Variants in STK32B observed in about 807,000 individuals in gnomAD.
The protein encoded by STK32B is serine/threonine kinase 32B.
In STK32B, 43 loss-of-function variants were observed where a neutral mutation model predicts 52.6. That is an observed-to-expected ratio of 0.82 (90% CI 0.64 to 1.05). The LOEUF (loss-of-function observed/expected upper bound fraction) is 1.05. Among genes scored for constraint, STK32B ranks in the 50% least tolerant of loss-of-function variants. The probability of loss-of-function intolerance (pLI) is 0.00; values close to 1 mark genes in which losing one functional copy is unlikely to be tolerated. For synonymous variants in STK32B, 238 were observed against 204.3 expected, an observed-to-expected ratio of 1.17 and a Z score of -1.41; for missense variants, 621 against 534.6, an observed-to-expected ratio of 1.16 and a Z score of -1.59.
At chr4:5,425,456 C>CCATTCATT (rs35251788) in intron 6 of STK32B, among the ~76,000 whole-genome samples, 1 of 151,578 alleles carries the variant, frequency 6.6e-6, no homozygotes, top group Non-Finnish European at 1.5e-5. Context: ...TTCCTGAGAA[C>CCATTCATT]CATTCATTCA....
At chr4:5,186,042 A>G (rs1301597939) in intron 3 of STK32B, among the ~76,000 whole-genome samples, 3 of 152,154 alleles carry the variant, frequency 2.0e-5, no homozygotes, top group South Asian at 4.1e-4. Flanking sequence ...ACTCCTGCTC[A>G]TCCTCCACAG....
chr4:5,258,468 G>C lies in STK32B; in HGVS notation c.261-72752G>C, dbSNP rs372044000. Among the ~76,000 whole-genome samples the C allele has an allele frequency of 7.9e-5, 12 of 152,280 alleles. No homozygotes were observed. The South Asian group carries it at 2.5e-3, about 32-fold the overall frequency. On this transcript the variant is annotated intron_variant, in intron 3 of 11. Transcript: ENST00000282908. ...TCCACAGCCTCTCAGGGCTCACAGA[G>C]CCTGTGCCCTGCCTCCCTGTTGCAA... is the stretch of plus-strand genomic sequence containing the variant.
At chr4:5,308,678 C>A (rs1017091912) in intron 3 of STK32B, among the ~76,000 whole-genome samples, 2 of 152,204 alleles carry the variant, frequency 1.3e-5, no homozygotes, top group Middle Eastern at 3.4e-3. Flanking sequence ...GTATCCAGAG[C>A]ACCTAAACCA....
chr4:5,383,897 A>G (rs1393590594), intron 4 of STK32B, among the ~76,000 whole-genome samples: 1 of 152,164 alleles, frequency 6.6e-6, no homozygotes, highest in Non-Finnish European at 1.5e-5. Flanking sequence ...TTTATATCCT[A>G]ATGGGGAGAG....
intron 1 of STK32B, among the ~76,000 whole-genome samples, chr4:5,095,294 C>T (rs991801475): frequency 1.3e-5 from 2 of 152,114 alleles, no homozygotes; most frequent in East Asian, 1.9e-4. Context: ...TGGTTTTAAG[C>T]GTATTAATAT....
chr4:5,349,531 A>G (rs540230059), intron 4 of STK32B, among the ~76,000 whole-genome samples: 13 of 152,298 alleles, frequency 8.5e-5, no homozygotes, highest in Admixed American at 2.6e-4. Flanking sequence ...AAAAGTGACT[A>G]TTATGCCAGA....
At chr4:5,151,628 A>G (rs1717373124) in intron 2 of STK32B, among the ~76,000 whole-genome samples, 1 of 152,210 alleles carries the variant, frequency 6.6e-6, no homozygotes, top group African/African-American at 2.4e-5. Flanking sequence ...TAAAATAACC[A>G]TTTTATGACT....
rs1396540104 is a variant in STK32B at position 5,500,373 on chromosome 4, CTT to C, written c.*1295_*1296del. On this transcript the variant is annotated 3_prime_UTR_variant, in exon 12 of 12. Coordinates refer to ENST00000282908, the MANE Select transcript of STK32B (RefSeq NM_018401.3). ...AGCATTGGATGACTCATAGAATGGC[CTT>C]TTTTGTCAGCATAATCGTCATCATT... 6.6e-6 allele frequency: 1 copy of C among 152,150 alleles called. No individual in the cohort carries two copies. Among genetic ancestry groups the C allele is most frequent in the Non-Finnish European group, 1.5e-5 (1 of 68,026 alleles). The allele number at this position is 152,150 out of a possible 1,614,324, so 9.4% of individuals were successfully genotyped here.
At position 5,399,843 on chromosome 4, in the gene STK32B, C is replaced by T. The variant is rs1336862317; in HGVS notation, c.472+1599C>T. 6.6e-6 allele frequency among the ~76,000 whole-genome samples: 1 copy of T among 152,200 alleles called. No individual in the cohort carries two copies. Among genetic ancestry groups the T allele is most frequent in the African/African-American group, 2.4e-5 (1 of 41,452 alleles). Reference sequence around the variant, plus strand: ...CTCGGGAAGGGGTAGATAACTCGCCCTCTTCCTGTCCCCTTTCTCTGCTCA... The same window carrying T: ...CTCGGGAAGGGGTAGATAACTCGCCTTCTTCCTGTCCCCTTTCTCTGCTCA... On this transcript the variant is annotated intron_variant, in intron 5 of 11. Coordinates refer to ENST00000282908, the MANE Select transcript of STK32B (RefSeq NM_018401.3). This position sits in a 1 kb window ranked among gnomAD's most constrained non-coding sequence, Gnocchi z 5.4.
intron 1 of STK32B, among the ~76,000 whole-genome samples, chr4:5,095,549 AG>A (rs1160428803): frequency 1.3e-5 from 2 of 152,216 alleles, no homozygotes; most frequent in African/African-American, 4.8e-5. Context: ...TGGAAGGTAG[AG>A]GTTGCAGTGA....
At chr4:5,457,028 T>C in intron 8 of STK32B, 105 bp downstream of exon 8, 1 of 798,930 alleles carries the variant, frequency 1.3e-6, no homozygotes, top group African/African-American at 1.7e-5. Context: ...ATACTCGGGG[T>C]AGAGATGATC....
rs375660139 is a variant in STK32B, at chr4:5,159,686, AAT to A, written c.109-8606_109-8605del. ...ATGAATGTATATGAATATATATATG[AAT>A]ATATATGAATATATATGAATATATA... On this transcript the variant is annotated intron_variant, in intron 2 of 11. Coordinates refer to ENST00000282908, the MANE Select transcript of STK32B (RefSeq NM_018401.3). Among the ~76,000 whole-genome samples the A allele has an allele frequency of 3.0e-4, 18 of 59,152 alleles. 2 individuals carry two copies. The highest frequency in any genetic ancestry group is 1.0e-3 in the African/African-American group (16 of 15,450). 38.8% of individuals were successfully genotyped at this position (59,152 alleles called of 152,430 possible).
At chr4:5,415,740 G>T (rs1712109408) in intron 5 of STK32B, among the ~76,000 whole-genome samples, 1 of 152,140 alleles carries the variant, frequency 6.6e-6, no homozygotes, top group Non-Finnish European at 1.5e-5. Context: ...GTCAGTGCTG[G>T]CAGTTGAGTC....
intron 1 of STK32B, among the ~76,000 whole-genome samples, chr4:5,054,935 G>C (rs1328410849): frequency 1.1e-4 from 16 of 152,156 alleles, no homozygotes. Flanking sequence ...GCAGAGAAAG[G>C]ATCATGCCAC....
In STK32B at chr4:5,100,715, T is replaced by C. The variant is rs368032312; in HGVS notation, c.53-39190T>C. ...TTTCTTTCCTTCCTTCCTTTCTTCCTTCCCTCCTTCCCTTCTTCCTTCTCT... is the reference window on the plus strand; with the variant it reads ...TTTCTTTCCTTCCTTCCTTTCTTCCCTCCCTCCTTCCCTTCTTCCTTCTCT... On this transcript the variant is annotated intron_variant, in intron 1 of 11. Transcript: ENST00000282908. Among the ~76,000 whole-genome samples the C allele has an allele frequency of 1.3e-3, 55 of 42,014 alleles. 2 individuals carry two copies. The highest frequency in any genetic ancestry group is 4.8e-3 in the East Asian group (1 of 208). The allele number at this position is 42,014 out of a possible 152,430, so 27.6% of individuals were successfully genotyped here. A position where few individuals can be genotyped will look rare whatever the true frequency, so the allele number is the denominator to read the frequency against.
chr4:5,397,832 C>G (rs1010047345), intron 4 of STK32B, among the ~76,000 whole-genome samples: 6 of 152,242 alleles, frequency 3.9e-5, no homozygotes, highest in Non-Finnish European at 8.8e-5. Flanking sequence ...GCCATGACAC[C>G]TGCAGGGAAC....
chr4:5,318,929 A>T (rs1731299910), intron 3 of STK32B, among the ~76,000 whole-genome samples: 3 of 151,718 alleles, frequency 2.0e-5, no homozygotes, highest in African/African-American at 4.8e-5. Flanking sequence ...CCTCCTCAGT[A>T]TCTGGGACTA....
chr4:5,034,205 AT>A, the STK32B span, among the ~76,000 whole-genome samples: 1 of 152,154 alleles, frequency 6.6e-6, no homozygotes, highest in Admixed American at 6.5e-5. Context: ...TTCAGCAGAG[AT>A]TTATTAAGCA....
In STK32B at chr4:5,460,319, C is replaced by T; in HGVS notation, c.909+91C>T. 1.3e-6 allele frequency: 2 copies of T among 1,512,400 alleles called. No individual in the cohort carries two copies. The highest frequency in any genetic ancestry group is 2.3e-5 in the East Asian group (1 of 43,650). 93.7% of individuals were successfully genotyped at this position (1,512,400 alleles called of 1,614,324 possible). Reference sequence around the variant, plus strand: ...AGACTTTGGCAGCTGGCTAGTGAGCCCTCTGCTGGCCACTTCCACCTGAGC... The same window carrying T: ...AGACTTTGGCAGCTGGCTAGTGAGCTCTCTGCTGGCCACTTCCACCTGAGC... On this transcript the variant is annotated intron_variant, in intron 9 of 11. Transcript: ENST00000282908. This position sits in a 1 kb window ranked among gnomAD's most constrained non-coding sequence, Gnocchi z 4.8.
Sources: allele counts gnomAD v4.1 joint callset (sites outside exome capture counted in the v4.1 genomes callset), GRCh38; gene constraint gnomAD v4.1.1; non-coding constraint Gnocchi (gnomAD v3.1); transcripts MANE v1.5; gene names NCBI Gene and HGNC (gene_info 2026-07-23, HGNC 2026-07-21).